Variants in INTS10 observed in about 807,000 individuals in gnomAD.
INTS10 encodes chromosome 8 open reading frame 35.
INTS10 carries 44 observed loss-of-function variants against 94.4 expected under a neutral mutation model. The ratio of observed to expected loss-of-function variants is 0.47; its 90% confidence interval spans 0.37 to 0.60. The LOEUF (loss-of-function observed/expected upper bound fraction) is 0.60, where lower values mean the gene tolerates loss of function less well. Ranked by LOEUF, INTS10 falls within the 20% of genes least tolerant of loss-of-function variation. The pLI, the probability that INTS10 is intolerant of heterozygous loss-of-function variation, is 0.00. For synonymous variants in INTS10, 341 were observed against 320.7 expected (o/e 1.06, Z -0.68); for missense variants, 797 against 868.7 (o/e 0.92, Z 1.04).
Position 19,851,806 on chromosome 8 carries a change from G to A in INTS10, c.*1G>A, listed in dbSNP as rs1192843277. Reference sequence around the variant, plus strand: ...CTTGCTCCTTCAGACTCTGACCTGAGTGGAGACCTTTCCACCAGACACAGC... The same window carrying A: ...CTTGCTCCTTCAGACTCTGACCTGAATGGAGACCTTTCCACCAGACACAGC... On this transcript the variant is annotated 3_prime_UTR_variant, in exon 17 of 17. Coordinates refer to ENST00000397977, the MANE Select transcript of INTS10 (RefSeq NM_018142.4). The surrounding 1 kb of genome is among the most constrained non-coding windows in gnomAD (Gnocchi z 5.0). 1 of 1,613,878 alleles carries A rather than the reference G, an allele frequency of 6.2e-7. No individual in the cohort carries two copies. Among genetic ancestry groups the A allele is most frequent in the African/African-American group, 1.3e-5 (1 of 74,930 alleles).
At position 19,851,878 on chromosome 8, in the gene INTS10, T is replaced by A; in HGVS notation, c.*73T>A. The A allele has an allele frequency of 7.4e-7, 1 of 1,350,158 alleles. No individual in the cohort carries two copies. Among genetic ancestry groups the A allele is most frequent in the Non-Finnish European group, 1.1e-6 (1 of 948,866 alleles). The allele number at this position is 1,350,158 out of a possible 1,614,324, so 83.6% of individuals were successfully genotyped here. The stretch of plus-strand genomic sequence containing the variant: ...AGAAGACACTCAGCAGTGATTGCCA[T>A]GGCACAGAGCCGTGGTCATTGTTGC... On this transcript the variant is annotated 3_prime_UTR_variant, in exon 17 of 17. Transcript: ENST00000397977. The surrounding 1 kb of genome is among the most constrained non-coding windows in gnomAD (Gnocchi z 5.0).
intron 12 of INTS10, among the ~76,000 whole-genome samples, chr8:19,833,608 A>G (rs1350433616): frequency 6.6e-6 from 1 of 151,872 alleles, no homozygotes; most frequent in Admixed American, 6.6e-5. Flanking sequence ...TTTTATTATT[A>G]TTACACTCTT....
intron 11 of INTS10, among the ~76,000 whole-genome samples, chr8:19,832,538 C>G (rs533998843): frequency 6.6e-6 from 1 of 152,286 alleles, no homozygotes; most frequent in Middle Eastern, 3.4e-3. Flanking sequence ...CCACTGCACC[C>G]CAGCCTGGGT....
At chr8:19,828,466 C>T (rs565061401) in intron 9 of INTS10, among the ~76,000 whole-genome samples, 11 of 152,222 alleles carry the variant, frequency 7.2e-5, no homozygotes, top group Non-Finnish European at 1.6e-4. Context: ...CTTCAGAGCA[C>T]GCTCTCAGTG....
Position 19,830,394 on chromosome 8 carries a change from T to C in INTS10, c.1141-12T>C, listed in dbSNP as rs1192479775. On this transcript the variant is annotated splice_polypyrimidine_tract_variant and intron_variant, in intron 9 of 16. Transcript: ENST00000397977. ...AACTGAATTAACCATGTTCTCCACA[T>C]TCTTTAAGCAGAGTTCAGACGATGA... is the stretch of plus-strand genomic sequence containing the variant. 5 of 1,607,556 alleles carry C rather than the reference T, an allele frequency of 3.1e-6. No individual in the cohort carries two copies. The highest frequency in any genetic ancestry group is 3.4e-6 in the Non-Finnish European group (4 of 1,177,218).
At chr8:19,828,593 G>C (rs896016968) in intron 9 of INTS10, among the ~76,000 whole-genome samples, 5 of 152,208 alleles carry the variant, frequency 3.3e-5, no homozygotes, top group Admixed American at 2.6e-4. Flanking sequence ...CTCGTGTTGA[G>C]GCAGGAATGT....
intron 1 of INTS10, 58 bp downstream of exon 1, chr8:19,817,724 C>T (rs2066033316): frequency 1.3e-6 from 2 of 1,554,454 alleles, no homozygotes; most frequent in Non-Finnish European, 1.7e-6. Flanking sequence ...TCCCGTCGCC[C>T]GGGCTGCCCT....
At position 19,817,605 on chromosome 8, in the gene INTS10, G is replaced by T; in HGVS notation, c.68G>T (p.Trp23Leu). The T allele has an allele frequency of 6.2e-7, 1 of 1,608,682 alleles. No individual in the cohort carries two copies. Among genetic ancestry groups the T allele is most frequent in the East Asian group, 2.2e-5 (1 of 44,680 alleles). The change falls in exon 1 of 17, where the codon TGG becomes TTG. Residue 23 changes from tryptophan to leucine, a missense_variant. This residue lies in a region of INTS10 where 734 missense variants were observed against 787.8 expected (regional missense o/e 0.93). Coordinates refer to ENST00000397977, the MANE Select transcript of INTS10 (RefSeq NM_018142.4). Reference protein sequence around the residue: ...RARELVPQDLWAAKAWLITAR... With the variant: ...RARELVPQDLLAAKAWLITAR... ...CGGGAGTTGGTGCCGCAAGACCTGT[G>T]GGCAGCCAAGGCGTGGCTGATCACG...
chr8:19,825,857 C>T (rs1324492930), intron 8 of INTS10, among the ~76,000 whole-genome samples: 1 of 152,076 alleles, frequency 6.6e-6, no homozygotes, highest in Non-Finnish European at 1.5e-5. Flanking sequence ...AGTGCAGATA[C>T]ATAACAAATA....
chr8:19,822,975 C>CT (rs547616077), intron 5 of INTS10, among the ~76,000 whole-genome samples: 178 of 151,254 alleles, frequency 1.2e-3, no homozygotes, highest in African/African-American at 4.3e-3. Context: ...TTTTAAACAA[C>CT]TTCTAAACTT....
At position 19,849,291 on chromosome 8, in the gene INTS10, C is replaced by A; in HGVS notation, c.1977-2358C>A. ...ATAGTGTGCTGTTTGTCAACATGTT[C>A]GCTGCCCATGGTTCTCAGCTCTTCG... On this transcript the variant is annotated intron_variant, in intron 16 of 16. Transcript: ENST00000397977. The surrounding 1 kb of genome is among the most constrained non-coding windows in gnomAD (Gnocchi z 4.6). 1 of 935,736 alleles carries A rather than the reference C, an allele frequency of 1.1e-6. No homozygotes were observed. The highest frequency in any genetic ancestry group is 1.5e-6 in the Non-Finnish European group (1 of 669,966). 58.0% of individuals were successfully genotyped at this position (935,736 alleles called of 1,614,324 possible).
At chr8:19,850,790 T>G (rs1483064214) in intron 16 of INTS10, among the ~76,000 whole-genome samples, 1 of 152,184 alleles carries the variant, frequency 6.6e-6, no homozygotes, top group African/African-American at 2.4e-5. Flanking sequence ...GATTTTTCTT[T>G]TCGTTTCTTC....
intron 13 of INTS10, among the ~76,000 whole-genome samples, chr8:19,839,782 G>A (rs2067974403): frequency 6.6e-6 from 1 of 152,068 alleles, no homozygotes; most frequent in Non-Finnish European, 1.5e-5. Flanking sequence ...AATCCCCAAG[G>A]CTGGGCGCAG....
chr8:19,844,259 A>G, intron 15 of INTS10, 21 bp downstream of exon 15: 1 of 1,512,392 alleles, frequency 6.6e-7, no homozygotes, highest in Non-Finnish European at 9.2e-7. Context: ...TTCTTGTTTA[A>G]GCATAACACA....
chr8:19,850,668 T>C (rs2068953897), intron 16 of INTS10, among the ~76,000 whole-genome samples: 1 of 152,166 alleles, frequency 6.6e-6, no homozygotes, highest in African/African-American at 2.4e-5. Context: ...GTGAGGGAAA[T>C]TAGGCATCAG....
chr8:19,821,238 T>G (rs1257851109), intron 4 of INTS10: 1 of 152,196 alleles, frequency 6.6e-6, no homozygotes, highest in African/African-American at 2.4e-5. Flanking sequence ...ACTCCCACAA[T>G]TCTGGAAGCT....
chr8:19,824,244 T>A, intron 7 of INTS10, 200 bp downstream of exon 7: 1 of 430,520 alleles, frequency 2.3e-6, no homozygotes, highest in Non-Finnish European at 4.1e-6. Flanking sequence ...GTAATCCCAG[T>A]GCTTTGGGAG....
intron 5 of INTS10, 52 bp downstream of exon 5, chr8:19,822,572 G>A: frequency 8.9e-7 from 1 of 1,123,602 alleles, no homozygotes; most frequent in Non-Finnish European, 1.3e-6. Context: ...ATATGCTGGG[G>A]TAAGTGTTGG....
In INTS10 at chr8:19,849,415, T is replaced by C. The variant is rs2068840966; in HGVS notation, c.1977-2234T>C. On this transcript the variant is annotated intron_variant, in intron 16 of 16. Transcript: ENST00000397977. The surrounding 1 kb of genome is among the most constrained non-coding windows in gnomAD (Gnocchi z 4.6). ...ATATTGTAACATTTCTTATTTTTTT[T>C]CCATAAGTTGCCAGTGTGTTTGTGT... 6.6e-6 allele frequency among the ~76,000 whole-genome samples: 1 copy of C among 152,228 alleles called. No individual in the cohort carries two copies. The highest frequency in any genetic ancestry group is 1.5e-5 in the Non-Finnish European group (1 of 68,044).
Sources: allele counts gnomAD v4.1 joint callset (sites outside exome capture counted in the v4.1 genomes callset), GRCh38; gene constraint gnomAD v4.1.1; regional missense constraint gnomAD v4.1.1; non-coding constraint Gnocchi (gnomAD v3.1); transcripts MANE v1.5; gene names NCBI Gene and HGNC (gene_info 2026-07-23, HGNC 2026-07-21).